GSE1: variants seen among roughly 807,000 people sequenced by gnomAD.
GSE1 encodes Gse1 coiled-coil protein.
Under a neutral mutation model 112.6 loss-of-function variants are expected in GSE1, and 32 were observed. The ratio of observed to expected loss-of-function variants is 0.28; its 90% CI spans 0.21 to 0.38. The LOEUF (loss-of-function observed/expected upper bound fraction) is 0.38. Ranked by LOEUF, GSE1 falls within the 10% of genes least tolerant of loss-of-function variation. The pLI is 1.00. For synonymous variants in GSE1, 1,115 were observed against 735.6 expected (o/e 1.52, Z -8.35); for missense variants, 2,348 against 1,699.2 (o/e 1.38, Z -6.71).
At chr16:85,345,938 G>A (rs1191529809) in intron 1 of GSE1, among the ~76,000 whole-genome samples, 1 of 151,616 alleles carries the variant, frequency 6.6e-6, no homozygotes, top group Non-Finnish European at 1.5e-5. Context: ...TGGACAGATA[G>A]ATAGATGGTG....
At chr16:85,193,053 C>G (rs2074856776) in intron 1 of GSE1, among the ~76,000 whole-genome samples, 1 of 152,182 alleles carries the variant, frequency 6.6e-6, no homozygotes, top group Non-Finnish European at 1.5e-5. Flanking sequence ...GGTAAGGCCT[C>G]TAATGCTTGG....
At chr16:85,511,528 C>CAAA (rs71151298) in intron 2 of GSE1, among the ~76,000 whole-genome samples, 3 of 115,002 alleles carry the variant, frequency 2.6e-5, no homozygotes, top group East Asian at 2.4e-4. Context: ...AACTCCATCT[C>CAAA]AAAAAAAAAA....
intron 1 of GSE1, among the ~76,000 whole-genome samples, chr16:85,183,704 C>T (rs1413660245): frequency 6.6e-6 from 1 of 152,224 alleles, no homozygotes; most frequent in Admixed American, 6.5e-5. Flanking sequence ...AATGATGGCT[C>T]ACCTACGTGG....
intron 1 of GSE1, among the ~76,000 whole-genome samples, chr16:85,619,004 G>A (rs540239536): frequency 1.3e-5 from 2 of 152,306 alleles, no homozygotes; most frequent in East Asian, 1.9e-4. Flanking sequence ...GTTCCCCTAC[G>A]CTCAACTGAC....
intron 1 of GSE1, among the ~76,000 whole-genome samples, chr16:85,202,924 C>T (rs1309542993): frequency 2.0e-5 from 3 of 152,076 alleles, no homozygotes; most frequent in Non-Finnish European, 4.4e-5. Context: ...AGGTCAGAGC[C>T]AGCCCTCGTC....
intron 3 of GSE1, among the ~76,000 whole-genome samples, chr16:85,651,828 G>A (rs546525045): frequency 1.3e-5 from 2 of 152,322 alleles, no homozygotes; most frequent in African/African-American, 2.4e-5. Flanking sequence ...CCCTGTTCTG[G>A]GCATCCAGAG....
chr16:85,375,049 G>T (rs892025628), intron 2 of GSE1, among the ~76,000 whole-genome samples: 6 of 152,186 alleles, frequency 3.9e-5, no homozygotes, highest in African/African-American at 1.4e-4. Context: ...TGACCTGGAT[G>T]AGCCACCTAA....
intron 2 of GSE1, among the ~76,000 whole-genome samples, chr16:85,511,248 T>C (rs547257874): frequency 1.3e-5 from 2 of 152,346 alleles, no homozygotes; most frequent in Admixed American, 1.3e-4. Flanking sequence ...CCCTCCAGGC[T>C]GGGTTCAGTG....
At chr16:85,503,086 C>T (rs1043153321) in intron 2 of GSE1, among the ~76,000 whole-genome samples, 1 of 152,186 alleles carries the variant, frequency 6.6e-6, no homozygotes, top group Non-Finnish European at 1.5e-5. Context: ...TTGAGGGGTG[C>T]CCCGGGCAGA....
intron 1 of GSE1, among the ~76,000 whole-genome samples, chr16:85,345,976 AGATG>A (rs1346359347): frequency 1.1e-4 from 16 of 152,012 alleles, no homozygotes; most frequent in African/African-American, 3.6e-4. Flanking sequence ...ATGAATGGAC[AGATG>A]GATGGGTGGA....
intron 1 of GSE1, among the ~76,000 whole-genome samples, chr16:85,317,639 G>A (rs572442189): frequency 7.6e-4 from 116 of 152,190 alleles, no homozygotes; most frequent in Non-Finnish European, 1.2e-3. Flanking sequence ...CAGCACTGGT[G>A]GGCATCCATG....
intron 1 of GSE1, among the ~76,000 whole-genome samples, chr16:85,338,479 G>A (rs939344826): frequency 2.0e-5 from 3 of 152,194 alleles, no homozygotes; most frequent in African/African-American, 7.2e-5. Flanking sequence ...TCCATCAAAT[G>A]GGCGTATAAT....
Position 85,521,040 on chromosome 16 carries a change from G to C in GSE1, c.2465-112874G>C, listed in dbSNP as rs181175295. Among the ~76,000 whole-genome samples, 129 of 152,260 alleles carry C rather than the reference G, an allele frequency of 8.5e-4. 3 individuals are homozygous for C. Among genetic ancestry groups the C allele is most frequent in the African/African-American group, 2.7e-3 (112 of 41,546 alleles). ...GTTGAGGAGCCTTTGGGAGCCCAAC[G>C]AGCCGGTTTGTCTGGGTTCTTCGTG... On this transcript the variant is annotated intron_variant, in intron 2 of 2. Coordinates refer to the GSE1 transcript ENST00000637419.
At position 85,478,839 on chromosome 16, in the gene GSE1, T is replaced by TTTTC. The variant is rs59687856; in HGVS notation, c.2464+121282_2464+121285dup. ...TGCACCACCATGCCCCGCTCATTTA[T>TTTTC]TTTCTTTCTTTCTTTCTTTCTTTCT... On this transcript the variant is annotated intron_variant, in intron 2 of 2. Transcript: ENST00000637419. Among the ~76,000 whole-genome samples the TTTTC allele has an allele frequency of 1.3e-3, 137 of 102,760 alleles. 6 individuals are homozygous for TTTTC. Among genetic ancestry groups the TTTTC allele is most frequent in the East Asian group, 4.5e-3 (13 of 2,914 alleles). The allele number at this position is 102,760 out of a possible 152,430, so 67.4% of individuals were successfully genotyped here.
intron 1 of GSE1, among the ~76,000 whole-genome samples, chr16:85,300,816 A>C (rs555190724): frequency 6.6e-6 from 1 of 152,176 alleles, no homozygotes; most frequent in Non-Finnish European, 1.5e-5. Context: ...GTTGGCCCCG[A>C]CCACCCACCT....
At chr16:85,473,931 A>G (rs1007341641) in intron 2 of GSE1, among the ~76,000 whole-genome samples, 13 of 152,108 alleles carry the variant, frequency 8.5e-5, no homozygotes, top group Middle Eastern at 3.4e-3. Flanking sequence ...AGCTGGTCCA[A>G]TGCCTGGGAG....
chr16:85,491,561 G>A (rs932803042), intron 2 of GSE1, among the ~76,000 whole-genome samples: 1 of 152,208 alleles, frequency 6.6e-6, no homozygotes, highest in African/African-American at 2.4e-5. Flanking sequence ...GGGAGGCCTG[G>A]CCTGTGGGCA....
intron 2 of GSE1, among the ~76,000 whole-genome samples, chr16:85,389,746 T>C (rs955613533): frequency 1.3e-5 from 2 of 152,164 alleles, no homozygotes; most frequent in Admixed American, 1.3e-4. Context: ...CCCTTCCTGC[T>C]TGGAGCCCTT....
At chr16:85,489,594 C>G (rs1165795140) in intron 2 of GSE1, among the ~76,000 whole-genome samples, 2 of 151,874 alleles carry the variant, frequency 1.3e-5, no homozygotes, top group Admixed American at 1.3e-4. Flanking sequence ...CCCCACAAGC[C>G]GTGCTTCATT....
Sources: gnomAD v4.1 joint callset for allele counts (sites outside exome capture counted in the v4.1 genomes callset) on GRCh38, gnomAD v4.1.1 for gene constraint, MANE v1.5 for transcripts, NCBI Gene and HGNC (gene_info 2026-07-23, HGNC 2026-07-21) for gene names.